The following KIF1B variants were observed in gnomAD, a reference collection of about 807,000 sequenced individuals.
KIF1B encodes the protein kinesin family member 1B, also known as kinesin-like protein KIF1B.
KIF1B carries 76 observed loss-of-function variants against 241.9 expected under a neutral mutation model. That is an observed-to-expected ratio of 0.31 (90% CI 0.26 to 0.38). The LOEUF (loss-of-function observed/expected upper bound fraction) is 0.38, where lower values mean the gene tolerates loss of function less well. Ranked by LOEUF, KIF1B falls within the 10% of genes least tolerant of loss-of-function variation. The pLI is 1.00. For missense variants in KIF1B, 1,622 were observed against 2,271.4 expected, an observed-to-expected ratio of 0.71 and a Z score of 5.81; for synonymous variants, 750 against 796.7, an observed-to-expected ratio of 0.94 and a Z score of 0.99.
intron 15 of KIF1B, among the ~76,000 whole-genome samples, chr1:10,284,324 C>T (rs1050974736): frequency 1.3e-5 from 2 of 152,096 alleles, no homozygotes; most frequent in Non-Finnish European, 2.9e-5. Flanking sequence ...CCAAGGTGGG[C>T]GGATCATCTG....
At chr1:10,291,058 T>C in intron 15 of KIF1B, 24 bp from the exon 16 acceptor site, 1 of 1,594,852 alleles carries the variant, frequency 6.3e-7, no homozygotes, top group Non-Finnish European at 8.6e-7. Context: ...CTTTGCCTCT[T>C]TAACTGTGCG....
At chr1:10,259,652 A>G (rs1388584308) in intron 4 of KIF1B, among the ~76,000 whole-genome samples, 1 of 151,912 alleles carries the variant, frequency 6.6e-6, no homozygotes, top group African/African-American at 2.4e-5. Flanking sequence ...ATAGGCACCC[A>G]CCACTATGCC....
In KIF1B at chr1:10,297,260, A is replaced by G; in HGVS notation, c.2115+14A>G. On this transcript the variant is annotated intron_variant, in intron 22 of 48. Coordinates refer to ENST00000676179, the MANE Select transcript of KIF1B (RefSeq NM_001365951.3). ...CAGCAGAGACTGGTAGGAGTCCTGA[A>G]TCTGCTAAACTGTTGGGAAAAGGGC... The G allele has an allele frequency of 4.3e-6, 7 of 1,609,902 alleles. No individual in the cohort carries two copies. Among genetic ancestry groups the G allele is most frequent in the African/African-American group, 1.3e-5 (1 of 74,908 alleles).
In KIF1B at chr1:10,365,997, G is replaced by A. The variant is rs1160677820; in HGVS notation, c.4752+349G>A. ...TGTAATCCCAGCACTTTGCAGGGCT[G>A]AGGCAGGTGGATTACCTGAGGTCTG... is the stretch of plus-strand genomic sequence containing the variant. On this transcript the variant is annotated intron_variant, in intron 43 of 48. Transcript: ENST00000676179. This position sits in a 1 kb window ranked among gnomAD's most constrained non-coding sequence, Gnocchi z 4.0. 6.6e-6 allele frequency among the ~76,000 whole-genome samples: 1 copy of A among 152,204 alleles called. No homozygotes were observed. The highest frequency in any genetic ancestry group is 1.5e-5 in the Non-Finnish European group (1 of 68,036).
chr1:10,337,365 CTT>C lies in KIF1B; in HGVS notation c.3260-4_3260-3del. On this transcript the variant is annotated splice_polypyrimidine_tract_variant and splice_region_variant and intron_variant, in intron 30 of 48. Transcript: ENST00000676179. This position sits in a 1 kb window ranked among gnomAD's most constrained non-coding sequence, Gnocchi z 4.0. ...ACCATCTGTGTCTTCATTTGACCCT[CTT>C]TAGATTTGAAGTCAAGCACTTTGCT... is the stretch of plus-strand genomic sequence containing the variant. The C allele has an allele frequency of 6.2e-7, 1 of 1,614,206 alleles. No individual in the cohort carries two copies. Among genetic ancestry groups the C allele is most frequent in the Middle Eastern group, 1.6e-4 (1 of 6,062 alleles).
chr1:10,270,570 T>A (rs1030790888), intron 7 of KIF1B, among the ~76,000 whole-genome samples: 12 of 152,224 alleles, frequency 7.9e-5, no homozygotes, highest in Non-Finnish European at 1.5e-4. Flanking sequence ...TGTGGACATT[T>A]GTTTTTGTTC....
At chr1:10,306,716 C>T in intron 22 of KIF1B, 1 of 881,024 alleles carries the variant, frequency 1.1e-6, no homozygotes, top group Non-Finnish European at 1.4e-6. Flanking sequence ...TATGAATAGC[C>T]AGTGCACTGC....
At position 10,261,983 on chromosome 1, in the gene KIF1B, G is replaced by A. The variant is rs199792028; in HGVS notation, c.429+13G>A. ...TTACTCTGTAGAGGTGAGTACAGCC[G>A]TGAGTTGACACCGTAAGCCCTTGTT... On this transcript the variant is annotated intron_variant, in intron 5 of 48. Transcript: ENST00000676179. 158 of 1,580,714 alleles carry A rather than the reference G, an allele frequency of 1.0e-4. No homozygotes were observed. In the East Asian group the frequency reaches 1.2e-3, roughly 12 times the overall value.
At position 10,365,515 on chromosome 1, in the gene KIF1B, G is replaced by C. The variant is rs146357248; in HGVS notation, c.4619G>C (p.Ser1540Thr). 1 of 1,613,924 alleles carries C rather than the reference G, an allele frequency of 6.2e-7. No homozygotes were observed. Among genetic ancestry groups the C allele is most frequent in the African/African-American group, 1.3e-5 (1 of 74,852 alleles). The change falls in exon 43 of 49, where the codon AGC (serine) becomes ACC (threonine). Residue 1540 changes from serine (S) to threonine (T), a missense_variant. Ser to Thr is a moderately conservative substitution (Grantham distance 58, BLOSUM62 1). Coordinates refer to ENST00000676179, the MANE Select transcript of KIF1B (RefSeq NM_001365951.3). This position sits in a 1 kb window ranked among gnomAD's most constrained non-coding sequence, Gnocchi z 4.0. ...LSPSLSSGTL[S>T]TSTSISSQIS... ...CCCAGCCTCAGCAGTGGGACCCTCAGCACCTCCACCAGTATCTCCTCTCAG... is the reference window on the plus strand; with the variant it reads ...CCCAGCCTCAGCAGTGGGACCCTCACCACCTCCACCAGTATCTCCTCTCAG...
At position 10,220,401 on chromosome 1, in the gene KIF1B, A is replaced by AGATAGATAGATAGAT. The variant is rs1557644208; in HGVS notation, c.-80+9524_-80+9538dup. Among the ~76,000 whole-genome samples the AGATAGATAGATAGAT allele has an allele frequency of 3.3e-3, 179 of 54,684 alleles. 1 individual carries two copies. In the Middle Eastern group the frequency reaches 0.062, roughly 19 times the overall value. The allele number at this position is 54,684 out of a possible 152,430, so 35.9% of individuals were successfully genotyped here. ...ATAGATAGATAGATAGATAGATGAT[A>AGATAGATAGATAGAT]GATAGATAGATAGATAGATAGATAG... On this transcript the variant is annotated intron_variant, in intron 1 of 48. Transcript: ENST00000676179.
chr1:10,356,831 C>T (rs1003959228), intron 38 of KIF1B, among the ~76,000 whole-genome samples: 7 of 151,908 alleles, frequency 4.6e-5, no homozygotes, highest in African/African-American at 7.2e-5. Flanking sequence ...ACCTGGGAGG[C>T]GGAGGTTGCA....
rs1269011642 is a variant in KIF1B, at chr1:10,342,094, C to T, written c.3558C>T (p.Thr1186=). Residue 1186 remains threonine (T), a synonymous_variant, in exon 33 of 49, where the codon ACC becomes ACT. Transcript: ENST00000676179. ...AATCATTTGTGGATTACATCAAAAC[C>T]AAGCCTATTGTATTTGAAGTCTTTG... is the stretch of plus-strand genomic sequence containing the variant. ...ITESFVDYIK[T]KPIVFEVFGH... is the part of the protein sequence containing the mutation. 1 of 1,613,484 alleles carries T rather than the reference C, an allele frequency of 6.2e-7. No homozygotes were observed. Among genetic ancestry groups the T allele is most frequent in the Non-Finnish European group, 8.5e-7 (1 of 1,179,578 alleles).
chr1:10,287,804 A>G (rs1649788962), intron 15 of KIF1B, among the ~76,000 whole-genome samples: 1 of 152,218 alleles, frequency 6.6e-6, no homozygotes, highest in Admixed American at 6.5e-5. Context: ...TAATATGACT[A>G]GATAATCCTC....
At chr1:10,308,258 G>C in intron 22 of KIF1B, 1 of 1,060,466 alleles carries the variant, frequency 9.4e-7, no homozygotes, top group Non-Finnish European at 1.1e-6. Context: ...ACAAGCATTT[G>C]TCCTGTACTG....
At chr1:10,237,168 AC>A (rs1172230832) in intron 2 of KIF1B, among the ~76,000 whole-genome samples, 2 of 152,218 alleles carry the variant, frequency 1.3e-5, no homozygotes, top group African/African-American at 4.8e-5. Flanking sequence ...AATAAATGTT[AC>A]TGTCTTGACA....
chr1:10,351,702 A>G (rs1219594802), intron 37 of KIF1B, among the ~76,000 whole-genome samples: 1 of 152,192 alleles, frequency 6.6e-6, no homozygotes, highest in Non-Finnish European at 1.5e-5. Context: ...ATGGTGGCTC[A>G]TGCCTGTAAT....
intron 2 of KIF1B, among the ~76,000 whole-genome samples, chr1:10,239,069 C>T (rs1292351865): frequency 6.6e-6 from 1 of 152,106 alleles, no homozygotes; most frequent in Non-Finnish European, 1.5e-5. Context: ...CCACCTCAGC[C>T]TCTCCAGTAG....
intron 22 of KIF1B, among the ~76,000 whole-genome samples, chr1:10,315,774 G>T (rs1169089862): frequency 6.6e-6 from 1 of 151,242 alleles, no homozygotes; most frequent in African/African-American, 2.5e-5. Context: ...GCTATAAAGG[G>T]GCCGGGTGCA....
chr1:10,302,257 T>C (rs1418640122), intron 22 of KIF1B, among the ~76,000 whole-genome samples: 1 of 152,212 alleles, frequency 6.6e-6, no homozygotes, highest in Non-Finnish European at 1.5e-5. Context: ...AGGTCTTTAT[T>C]GATTTGTGTG....
Sources: gnomAD v4.1 joint callset for allele counts (sites outside exome capture counted in the v4.1 genomes callset) on GRCh38, gnomAD v4.1.1 for gene constraint, Gnocchi (gnomAD v3.1) non-coding constraint, MANE v1.5 for transcripts, NCBI Gene and HGNC (gene_info 2026-07-23, HGNC 2026-07-21) for gene names.